Variants in GINM1 observed in about 807,000 individuals in gnomAD.
GINM1 encodes the protein glycoprotein integral membrane protein 1.
Under a neutral mutation model 37.8 loss-of-function variants are expected in GINM1, and 29 were observed. That is an observed-to-expected ratio of 0.77 (90% CI 0.57 to 1.05). GINM1 has a LOEUF of 1.05. GINM1 is among the 50% of genes least tolerant of loss of function. The pLI is 0.00. For missense variants in GINM1, 377 were observed against 397.9 expected (o/e 0.95, Z 0.45); for synonymous variants, 143 against 146.2 (o/e 0.98, Z 0.16).
intron 1 of GINM1, among the ~76,000 whole-genome samples, chr6:149,570,136 T>TTATATATA (rs549791771): frequency 4.4e-5 from 2 of 45,824 alleles, no homozygotes; most frequent in African/African-American, 7.8e-5. Context: ...TAGGTAGGTT[T>TTATATATA]TATATATATA....
rs761278091 is a variant in GINM1, at chr6:149,582,592, T to C, written c.870T>C (p.Val290=). The change falls in exon 7 of 8, where the codon GTT becomes GTC. Residue 290 remains valine, a synonymous_variant. Transcript: ENST00000367419. ...CCATCTTAAAGGTGTTTTTCCCAGT[T>C]TCTGAATACAAGTAAGTATTTCTTA... is the stretch of plus-strand genomic sequence containing the variant. ...VITILKVFFP[V]SEYKGILQLD... 3 of 1,576,616 alleles carry C rather than the reference T, an allele frequency of 1.9e-6. No individual in the cohort carries two copies. The highest frequency in any genetic ancestry group is 2.7e-5 in the African/African-American group (2 of 72,824).
rs753506084 is a variant in GINM1 at position 149,572,396 on chromosome 6, C to T, written c.180+52C>T. 9 of 1,353,124 alleles carry T rather than the reference C, an allele frequency of 6.7e-6. No homozygotes were observed. The East Asian group carries it at 1.2e-4, about 17-fold the overall frequency. 83.8% of individuals were successfully genotyped at this position (1,353,124 alleles called of 1,614,324 possible). On this transcript the variant is annotated intron_variant, in intron 2 of 7. Coordinates refer to ENST00000367419, the MANE Select transcript of GINM1 (RefSeq NM_138785.5). ...TATAATTTAGCTAAGTGCTATGCAG[C>T]TTATTTGATTTTTTAACTTGCACGT...
intron 7 of GINM1, among the ~76,000 whole-genome samples, chr6:149,589,748 G>T (rs1778126467): frequency 6.6e-6 from 1 of 152,098 alleles, no homozygotes; most frequent in Admixed American, 6.6e-5. Context: ...TTCTGTCCTA[G>T]TGATCTATTT....
chr6:149,582,216 C>A, intron 6 of GINM1: 1 of 583,852 alleles, frequency 1.7e-6, no homozygotes, highest in Non-Finnish European at 3.2e-6. Context: ...ATTGTTAGAA[C>A]ATAATTTTTA....
chr6:149,578,640 A>AT (rs1316158741), intron 3 of GINM1, among the ~76,000 whole-genome samples, 182 bp from the exon 4 acceptor site: 1 of 152,046 alleles, frequency 6.6e-6, no homozygotes, highest in Non-Finnish European at 1.5e-5. Flanking sequence ...AGTCATAAAG[A>AT]TTTGTCAGAT....
Position 149,572,323 on chromosome 6 carries a change from T to A in GINM1, c.159T>A (p.Asp53Glu). The A allele has an allele frequency of 2.5e-6, 4 of 1,601,874 alleles. No homozygotes were observed. The highest frequency in any genetic ancestry group is 3.4e-6 in the Non-Finnish European group (4 of 1,173,732). ...IRINVTTLKD[D>E]GDISKQQVVL... ...TTAATGTAACTACACTGAAAGATGA[T>A]GGGGACATATCTAAACAGCAGGTTT... The change falls in exon 2 of 8, where the codon GAT (aspartate) becomes GAA (glutamate). Residue 53 changes from aspartate to glutamate, a missense_variant. Coordinates refer to ENST00000367419, the MANE Select transcript of GINM1 (RefSeq NM_138785.5).
chr6:149,579,708 A>G, intron 4 of GINM1, 126 bp from the exon 5 acceptor site: 1 of 557,350 alleles, frequency 1.8e-6, no homozygotes, highest in Non-Finnish European at 3.0e-6. Flanking sequence ...AAAAAAAAAA[A>G]AAGAGTAATT....
rs933748037 is a variant in GINM1, at chr6:149,566,666, G to A, written c.120+132G>A. The A allele has an allele frequency of 1.6e-6, 2 of 1,237,130 alleles. No individual in the cohort carries two copies. The highest frequency in any genetic ancestry group is 1.1e-6 in the Non-Finnish European group (1 of 946,322). The allele number at this position is 1,237,130 out of a possible 1,614,324, so 76.6% of individuals were successfully genotyped here. On this transcript the variant is annotated intron_variant, in intron 1 of 7. Coordinates refer to ENST00000367419, the MANE Select transcript of GINM1 (RefSeq NM_138785.5). This position sits in a 1 kb window ranked among gnomAD's most constrained non-coding sequence, Gnocchi z 4.4. ...GGTCCGGGCCCCCGAAGGAGGTGTG[G>A]GGAGAAGCACCCCAGGAAATGGGGG...
chr6:149,578,821 G>A lies in GINM1; in HGVS notation c.278-1G>A. The A allele has an allele frequency of 1.3e-6, 2 of 1,548,220 alleles. No homozygotes were observed. The highest frequency in any genetic ancestry group is 1.2e-5 in the South Asian group (1 of 84,334). ...AGGTGTCACTACTTTTTTTTTTATA[G>A]TGAAGAATGAAAATCTTGAAAATTT... is the stretch of plus-strand genomic sequence containing the variant. On this transcript the variant is annotated splice_acceptor_variant, in intron 3 of 7. Coordinates refer to ENST00000367419, the MANE Select transcript of GINM1 (RefSeq NM_138785.5). LOFTEE classifies it high-confidence loss of function.
intron 3 of GINM1, chr6:149,577,257 T>A (rs960761761): frequency 2.6e-4 from 40 of 152,368 alleles, no homozygotes; most frequent in African/African-American, 9.6e-4. Flanking sequence ...CTCCTGTACC[T>A]TAGTCTTTGG....
intron 7 of GINM1, among the ~76,000 whole-genome samples, chr6:149,587,925 C>G (rs1242288889): frequency 6.6e-6 from 1 of 152,164 alleles, no homozygotes; most frequent in Non-Finnish European, 1.5e-5. Flanking sequence ...AAGATACTTA[C>G]CACTTTGGAG....
intron 7 of GINM1, among the ~76,000 whole-genome samples, chr6:149,585,321 T>C (rs746150451): frequency 6.6e-6 from 1 of 152,208 alleles, no homozygotes; most frequent in African/African-American, 2.4e-5. Flanking sequence ...ATCCCTTCTC[T>C]GTTCTTCAAT....
At chr6:149,585,252 G>C (rs1778052948) in intron 7 of GINM1, among the ~76,000 whole-genome samples, 2 of 152,162 alleles carry the variant, frequency 1.3e-5, no homozygotes, top group African/African-American at 4.8e-5. Flanking sequence ...TTGTACTGCA[G>C]ATACTTCCTG....
rs1777726222 is a variant in GINM1, at chr6:149,566,811, G to A, written c.120+277G>A. Among the ~76,000 whole-genome samples the A allele has an allele frequency of 6.6e-6, 1 of 152,246 alleles. No individual in the cohort carries two copies. Among genetic ancestry groups the A allele is most frequent in the Admixed American group, 6.5e-5 (1 of 15,290 alleles). On this transcript the variant is annotated intron_variant, in intron 1 of 7. Transcript: ENST00000367419. This position sits in a 1 kb window ranked among gnomAD's most constrained non-coding sequence, Gnocchi z 4.4. Reference sequence around the variant, plus strand: ...CCAAGCCGGCGCGCGACCTGACGGGGCTTTGCCGTCGAAGCGCGCGGTTGC... The same window carrying A: ...CCAAGCCGGCGCGCGACCTGACGGGACTTTGCCGTCGAAGCGCGCGGTTGC...
Position 149,580,743 on chromosome 6 carries a change from T to C in GINM1, c.717+20T>C, listed in dbSNP as rs1562272438. ...TATAAGGTAAATCAAGTATTTGGTG[T>C]TATCATAAGCATTCATGGTTAAGAT... On this transcript the variant is annotated intron_variant, in intron 6 of 7. Coordinates refer to ENST00000367419, the MANE Select transcript of GINM1 (RefSeq NM_138785.5). 8 of 1,610,464 alleles carry C rather than the reference T, an allele frequency of 5.0e-6. No individual in the cohort carries two copies. Among genetic ancestry groups the C allele is most frequent in the Non-Finnish European group, 5.9e-6 (7 of 1,177,900 alleles).
At chr6:149,569,755 G>A (rs375891454) in intron 1 of GINM1, among the ~76,000 whole-genome samples, 3 of 152,224 alleles carry the variant, frequency 2.0e-5, no homozygotes, top group Non-Finnish European at 2.9e-5. Flanking sequence ...TCGCTCAGAC[G>A]TATTTTAAAC....
rs961660294 is a variant in GINM1 at position 149,566,662 on chromosome 6, T to C, written c.120+128T>C. The C allele has an allele frequency of 1.6e-6, 2 of 1,263,350 alleles. No individual in the cohort carries two copies. Among genetic ancestry groups the C allele is most frequent in the Non-Finnish European group, 1.0e-6 (1 of 971,546 alleles). The allele number at this position is 1,263,350 out of a possible 1,614,324, so 78.3% of individuals were successfully genotyped here. A position where few individuals can be genotyped will look rare whatever the true frequency, so the allele number is the denominator to read the frequency against. On this transcript the variant is annotated intron_variant, in intron 1 of 7. Transcript: ENST00000367419. The surrounding 1 kb of genome is among the most constrained non-coding windows in gnomAD (Gnocchi z 4.4). The stretch of plus-strand genomic sequence containing the variant: ...CGGGGGTCCGGGCCCCCGAAGGAGG[T>C]GTGGGGAGAAGCACCCCAGGAAATG...
chr6:149,583,037 A>G (rs1778024264), intron 7 of GINM1, among the ~76,000 whole-genome samples: 1 of 152,164 alleles, frequency 6.6e-6, no homozygotes, highest in Non-Finnish European at 1.5e-5. Context: ...TAGAAAATAA[A>G]AGCAAAATAG....
chr6:149,566,441 C>A lies in GINM1; in HGVS notation c.27C>A (p.Leu9=). The A allele has an allele frequency of 6.4e-7, 1 of 1,572,358 alleles. No individual in the cohort carries two copies. The highest frequency in any genetic ancestry group is 1.1e-5 in the South Asian group (1 of 87,844). ...TGGAGGGCGCTCCACCGGGGTCGCT[C>A]GCCCTCCGGCTCCTGCTGTTCGTGG... MEGAPPGS[L]ALRLLLFVAL... Residue 9 remains leucine, a synonymous_variant, in exon 1 of 8, where the codon CTC becomes CTA. Transcript: ENST00000367419. The surrounding 1 kb of genome is among the most constrained non-coding windows in gnomAD (Gnocchi z 4.4).
Sources: allele counts gnomAD v4.1 joint callset (sites outside exome capture counted in the v4.1 genomes callset), GRCh38; gene constraint gnomAD v4.1.1; non-coding constraint Gnocchi (gnomAD v3.1); transcripts MANE v1.5; gene names NCBI Gene and HGNC (gene_info 2026-07-23, HGNC 2026-07-21).